MPPED2: variants seen among roughly 807,000 people sequenced by gnomAD.
MPPED2 encodes the protein metallophosphoesterase domain containing 2.
In MPPED2, 5 loss-of-function variants were observed where a neutral mutation model predicts 33.0. That is an observed-to-expected ratio of 0.15 (90% CI 0.08 to 0.32). MPPED2 has a LOEUF of 0.32. Among genes scored for constraint, MPPED2 ranks in the 10% least tolerant of loss-of-function variants. The pLI, the probability that MPPED2 is intolerant of heterozygous loss-of-function variation, is 1.00. For synonymous variants in MPPED2, 136 were observed against 141.9 expected (o/e 0.96, Z 0.29); for missense variants, 275 against 372.1 (o/e 0.74, Z 2.15).
At chr11:30,552,589 G>A (rs1955767403) in intron 2 of MPPED2, among the ~76,000 whole-genome samples, 1 of 151,910 alleles carries the variant, frequency 6.6e-6, no homozygotes, top group African/African-American at 2.4e-5. Context: ...TTCTGTTTTT[G>A]TTTTGTTTTG....
At chr11:30,429,882 C>G (rs934019499) in intron 4 of MPPED2, among the ~76,000 whole-genome samples, 2 of 152,220 alleles carry the variant, frequency 1.3e-5, no homozygotes, top group Non-Finnish European at 2.9e-5. Flanking sequence ...TGCATTATAA[C>G]TTGCTTGTGT....
At chr11:30,430,972 G>T (rs1656432071) in intron 4 of MPPED2, among the ~76,000 whole-genome samples, 1 of 152,144 alleles carries the variant, frequency 6.6e-6, no homozygotes, top group Non-Finnish European at 1.5e-5. Flanking sequence ...AATTAGAGAT[G>T]AAAGAGGATG....
chr11:30,509,677 G>A (rs112979783), intron 3 of MPPED2, among the ~76,000 whole-genome samples: 3 of 152,300 alleles, frequency 2.0e-5, no homozygotes, highest in African/African-American at 7.2e-5. Context: ...TGCAAGGCCA[G>A]TTCTATCCTT....
intron 4 of MPPED2, among the ~76,000 whole-genome samples, chr11:30,419,064 G>T (rs1184873977): frequency 6.6e-6 from 1 of 152,190 alleles, no homozygotes; most frequent in Non-Finnish European, 1.5e-5. Context: ...CTTAAGCCAT[G>T]CCCGGGGTGC....
intron 3 of MPPED2, among the ~76,000 whole-genome samples, chr11:30,512,755 C>G (rs1403278151): frequency 2.0e-5 from 3 of 152,164 alleles, no homozygotes; most frequent in African/African-American, 7.2e-5. Context: ...AATCCCAGCA[C>G]TTTGGAAGGT....
At chr11:30,439,194 C>A (rs1452104382) in intron 4 of MPPED2, among the ~76,000 whole-genome samples, 1 of 152,108 alleles carries the variant, frequency 6.6e-6, no homozygotes. Flanking sequence ...AGAACAAAAC[C>A]TTCAAACCTC....
At chr11:30,583,185 G>C (rs1957269732) in intron 1 of MPPED2, among the ~76,000 whole-genome samples, 1 of 101,932 alleles carries the variant, frequency 9.8e-6, no homozygotes, top group Non-Finnish European at 1.9e-5. Flanking sequence ...TCAGAGACAA[G>C]GGACAATAGA....
intron 5 of MPPED2, among the ~76,000 whole-genome samples, chr11:30,414,649 C>T (rs1370208948): frequency 6.6e-6 from 1 of 151,668 alleles, no homozygotes; most frequent in Non-Finnish European, 1.5e-5. Flanking sequence ...GACATTTATT[C>T]CCGGCAGTCC....
At chr11:30,418,310 T>C (rs1258876399) in intron 4 of MPPED2, among the ~76,000 whole-genome samples, 2 of 152,222 alleles carry the variant, frequency 1.3e-5, no homozygotes, top group African/African-American at 4.8e-5. Flanking sequence ...CTCCTGACAA[T>C]GAACATGAGC....
chr11:30,400,994 C>A (rs962777067), intron 6 of MPPED2, among the ~76,000 whole-genome samples: 1 of 152,134 alleles, frequency 6.6e-6, no homozygotes, highest in African/African-American at 2.4e-5. Flanking sequence ...GTCTAGAATT[C>A]CTGAGCTCAA....
chr11:30,415,202 G>A (rs1353411763), intron 5 of MPPED2, among the ~76,000 whole-genome samples: 2 of 152,062 alleles, frequency 1.3e-5, no homozygotes, highest in African/African-American at 2.4e-5. Context: ...CTGCTTTTTC[G>A]GGCCAAACTG....
intron 3 of MPPED2, among the ~76,000 whole-genome samples, chr11:30,500,404 T>C (rs1419846039): frequency 3.3e-5 from 5 of 152,256 alleles, no homozygotes; most frequent in African/African-American, 4.8e-5. Context: ...CAGTATGTAA[T>C]AGTTTCTTAC....
rs1948430711 is a variant in MPPED2 at position 30,417,599 on chromosome 11, G to A, written c.571C>T (p.Pro191Ser). Residue 191 changes from proline to serine, a missense_variant, in exon 5 of 7, where the codon CCC becomes TCC. Pro to Ser is a moderately conservative substitution (Grantham distance 74). Transcript: ENST00000358117. ...PWFNGWGFNL[P>S]RGQSLLDKWN... Reference sequence around the variant, plus strand: ...TTGTCCAGCAGAGACTGACCTCTGGGTAGGTTAAAGCCCCATCCATTAAAC... The same window carrying A: ...TTGTCCAGCAGAGACTGACCTCTGGATAGGTTAAAGCCCCATCCATTAAAC... 6.2e-7 allele frequency: 1 copy of A among 1,613,210 alleles called. No individual in the cohort carries two copies. Among genetic ancestry groups the A allele is most frequent in the Non-Finnish European group, 8.5e-7 (1 of 1,179,462 alleles).
intron 2 of MPPED2, among the ~76,000 whole-genome samples, chr11:30,556,822 G>C (rs1039546810): frequency 6.6e-6 from 1 of 151,952 alleles, no homozygotes; most frequent in Non-Finnish European, 1.5e-5. Context: ...TGTAGATTTT[G>C]CCTTGTCTGC....
chr11:30,387,016 G>A, exon 7 of MPPED2: 2 of 366,128 alleles, frequency 5.5e-6, no homozygotes, highest in Non-Finnish European at 9.7e-6. Context: ...AGTTAGTAGT[G>A]ATGGAAGCAG....
intron 6 of MPPED2, among the ~76,000 whole-genome samples, chr11:30,398,788 A>G (rs1187608679): frequency 1.3e-5 from 2 of 152,200 alleles, no homozygotes; most frequent in Non-Finnish European, 1.5e-5. Context: ...CCATCCAGTA[A>G]GGAGCATGAA....
chr11:30,396,107 G>A (rs1947837224), intron 6 of MPPED2, among the ~76,000 whole-genome samples: 1 of 152,068 alleles, frequency 6.6e-6, no homozygotes, highest in Non-Finnish European at 1.5e-5. Flanking sequence ...TCCTACCTTG[G>A]GCTTTTGCTA....
intron 4 of MPPED2, among the ~76,000 whole-genome samples, chr11:30,459,824 GTA>G (rs1950446613): frequency 6.6e-6 from 1 of 152,178 alleles, no homozygotes; most frequent in Non-Finnish European, 1.5e-5. Flanking sequence ...CTGAACATGT[GTA>G]TTGTAGTTAA....
At chr11:30,521,860 T>C (rs1163590723) in intron 3 of MPPED2, among the ~76,000 whole-genome samples, 1 of 152,182 alleles carries the variant, frequency 6.6e-6, no homozygotes, top group Non-Finnish European at 1.5e-5. Context: ...ACCCAGAGCA[T>C]GGTGACCTCT....
Sources: allele counts gnomAD v4.1 joint callset (sites outside exome capture counted in the v4.1 genomes callset), GRCh38; gene constraint gnomAD v4.1.1; transcripts MANE v1.5; gene names NCBI Gene and HGNC (gene_info 2026-07-23, HGNC 2026-07-21).